Variants in KRT25 observed in about 807,000 individuals in gnomAD.
The protein encoded by KRT25 is keratin, type I cytoskeletal 25.
A neutral mutation model predicts 47.6 loss-of-function variants in KRT25; 37 were observed. The ratio of observed to expected loss-of-function variants is 0.78; its 90% CI spans 0.60 to 1.02. The LOEUF is 1.02. Ranked by LOEUF, KRT25 falls within the 50% of genes least tolerant of loss-of-function variation. KRT25 has a pLI of 0.00. For synonymous variants in KRT25, 203 were observed against 210.2 expected (o/e 0.97, Z 0.30); for missense variants, 542 against 550.3 (o/e 0.98, Z 0.15).
rs1374799048 is a variant in KRT25 at position 40,755,291 on chromosome 17, TGCAGA to T, written c.-25_-21del. ...AGACATGGTATCAGGGCAAACGCGT[TGCAGA>T]GCTGTATTTGTGAAAGCCAGAATGG... On this transcript the variant is annotated 5_prime_UTR_variant, in exon 1 of 8. Transcript: ENST00000312150. 4 of 1,599,076 alleles carry T rather than the reference TGCAGA, an allele frequency of 2.5e-6. No homozygotes were observed. Among genetic ancestry groups the T allele is most frequent in the Non-Finnish European group, 1.7e-6 (2 of 1,172,540 alleles).
In KRT25 at chr17:40,753,935, C is replaced by T. The variant is rs906187464; in HGVS notation, c.594G>A (p.Leu198=). 1.9e-6 allele frequency: 3 copies of T among 1,613,950 alleles called. No individual in the cohort carries two copies. In the South Asian group the frequency reaches 3.3e-5, roughly 18 times the overall value. Residue 198 remains leucine, a synonymous_variant, in exon 3 of 8, where the codon CTG becomes CTA. Coordinates refer to ENST00000312150, the MANE Select transcript of KRT25 (RefSeq NM_181534.4). ...ACTGAATCTCCAGATCTGTTCTGCACAGGGTTATTTCATCCAAAACTCTTC... is the reference window on the plus strand; with the variant it reads ...ACTGAATCTCCAGATCTGTTCTGCATAGGGTTATTTCATCCAAAACTCTTC... ...GLRRVLDEIT[L]CRTDLEIQYE...
At chr17:40,749,959 C>A (rs2038030705) in intron 6 of KRT25, among the ~76,000 whole-genome samples, 1 of 152,132 alleles carries the variant, frequency 6.6e-6, no homozygotes, top group Admixed American at 6.5e-5. Flanking sequence ...AAATGATCTT[C>A]ATTGTGAATT....
chr17:40,748,586 A>G (rs953074796), intron 7 of KRT25, among the ~76,000 whole-genome samples, 200 bp from the exon 8 acceptor site: 1 of 152,230 alleles, frequency 6.6e-6, no homozygotes, highest in African/African-American at 2.4e-5. Flanking sequence ...AATTAGCACA[A>G]ATCACTAATA....
Position 40,750,365 on chromosome 17 carries a change from G to C in KRT25, c.1175+15C>G. The C allele has an allele frequency of 6.2e-7, 1 of 1,612,872 alleles. No homozygotes were observed. Among genetic ancestry groups the C allele is most frequent in the Non-Finnish European group, 8.5e-7 (1 of 1,178,830 alleles). ...TTCAGTATATTACGCCATCTATGCA[G>C]ATTATTTTACCTACCCATCATCTCC... On this transcript the variant is annotated intron_variant, in intron 6 of 7. Transcript: ENST00000312150.
intron 3 of KRT25, among the ~76,000 whole-genome samples, chr17:40,752,975 A>G (rs1263552804): frequency 6.6e-6 from 1 of 152,230 alleles, no homozygotes; most frequent in East Asian, 1.9e-4. Flanking sequence ...AAAATTTGGA[A>G]CTTAGCTTCC....
chr17:40,755,086 A>G lies in KRT25; in HGVS notation c.186T>C (p.Asn62=), dbSNP rs778925151. The G allele has an allele frequency of 5.0e-6, 8 of 1,614,072 alleles. No individual in the cohort carries two copies. The East Asian group carries it at 1.3e-4, about 27-fold the overall frequency. ...SSSGGNTGGG[N]PCAGFTVNER... ...CATTCACAGTGAAGCCAGCACAGGG[A>G]TTACCTCCCCCTGTGTTTCCTCCCG... is the stretch of plus-strand genomic sequence containing the variant. Residue 62 remains asparagine (N), a synonymous_variant, in exon 1 of 8, where the codon AAT becomes AAC. Coordinates refer to ENST00000312150, the MANE Select transcript of KRT25 (RefSeq NM_181534.4).
In KRT25 at chr17:40,754,507, A is replaced by G. The variant is rs775824955; in HGVS notation, c.430-39T>C. 3 of 1,497,732 alleles carry G rather than the reference A, an allele frequency of 2.0e-6. No homozygotes were observed. The South Asian group carries it at 3.4e-5, about 17-fold the overall frequency. 92.8% of individuals were successfully genotyped at this position (1,497,732 alleles called of 1,614,324 possible). A position where few individuals can be genotyped will look rare whatever the true frequency, so the allele number is the denominator to read the frequency against. On this transcript the variant is annotated intron_variant, in intron 1 of 7. Coordinates refer to ENST00000312150, the MANE Select transcript of KRT25 (RefSeq NM_181534.4). ...TTTGACTTTTATCATGAAGTAAACC[A>G]ACTGAATCTACTTAATGCTTATTTC...
At chr17:40,753,810 G>A in intron 3 of KRT25, 50 bp downstream of exon 3, 1 of 1,510,782 alleles carries the variant, frequency 6.6e-7, no homozygotes, top group Non-Finnish European at 9.0e-7. Context: ...CTCCTGTCAG[G>A]TGCACAGTGT....
At chr17:40,753,254 G>A (rs747199378) in intron 3 of KRT25, among the ~76,000 whole-genome samples, 19 of 151,396 alleles carry the variant, frequency 1.3e-4, no homozygotes, top group Non-Finnish European at 2.2e-4. Context: ...TGTCCAAAGC[G>A]GATCATTTTA....
Position 40,754,969 on chromosome 17 carries a change from C to G in KRT25, c.303G>C (p.Glu101Asp). ...TCTGCTCCAGGTCAGCGTTGGCCTC[C>G]TCCAGAGCATGCACACTGTCCAGGT... ...ASYLDSVHAL[E>D]EANADLEQKI... is the part of the protein sequence containing the mutation. Residue 101 changes from glutamate to aspartate, a missense_variant, in exon 1 of 8, where the codon GAG becomes GAC. Physicochemically the swap from Glu to Asp is conservative, Grantham distance 45 (BLOSUM62 2). Transcript: ENST00000312150. 1 of 1,614,178 alleles carries G rather than the reference C, an allele frequency of 6.2e-7. No homozygotes were observed. The highest frequency in any genetic ancestry group is 8.5e-7 in the Non-Finnish European group (1 of 1,180,040).
In KRT25 at chr17:40,748,290, G is replaced by A. The variant is rs868819854; in HGVS notation, c.1340C>T (p.Ser447Phe). 1 of 1,609,110 alleles carries A rather than the reference G, an allele frequency of 6.2e-7. No homozygotes were observed. Among genetic ancestry groups the A allele is most frequent in the East Asian group, 2.2e-5 (1 of 44,728 alleles). ...TTGCATCTCAAATTAATTGCTTTGA[G>A]ATTTCTCTTCCAGGGAGTGGAGCCT... ...TTRLHSLEEK[S>F]QSN The change falls in exon 8 of 8, where the codon TCT (serine) becomes TTT (phenylalanine). Residue 447 changes from serine (S) to phenylalanine (F), a missense_variant. Transcript: ENST00000312150.
At position 40,751,281 on chromosome 17, in the gene KRT25, C is replaced by G. The variant is rs2038044976; in HGVS notation, c.715G>C (p.Glu239Gln). 2 of 1,613,950 alleles carry G rather than the reference C, an allele frequency of 1.2e-6. No individual in the cohort carries two copies. The highest frequency in any genetic ancestry group is 1.7e-6 in the Non-Finnish European group (2 of 1,179,970). ...TCCACCCCGGGGGCTGCGTTCATCT[C>G]CACGTTCACGTTGCCTCCAGCTGCG... ...QCAAGGNVNV[E>Q]MNAAPGVDLT... Residue 239 changes from glutamate to glutamine, a missense_variant, in exon 4 of 8, where the codon GAG (glutamate) becomes CAG (glutamine). By Grantham distance (29) the Glu-to-Gln change is conservative. Transcript: ENST00000312150.
intron 3 of KRT25, among the ~76,000 whole-genome samples, chr17:40,752,443 G>T (rs2038058545): frequency 6.6e-6 from 1 of 152,064 alleles, no homozygotes; most frequent in South Asian, 2.1e-4. Context: ...GGTAACTAAG[G>T]CTTTCATTCC....
In KRT25 at chr17:40,753,937, G is replaced by A. The variant is rs1001910692; in HGVS notation, c.592C>T (p.Leu198=). Reference sequence around the variant, plus strand: ...TGAATCTCCAGATCTGTTCTGCACAGGGTTATTTCATCCAAAACTCTTCGT... The same window carrying A: ...TGAATCTCCAGATCTGTTCTGCACAAGGTTATTTCATCCAAAACTCTTCGT... ...GLRRVLDEIT[L]CRTDLEIQYE... The change falls in exon 3 of 8, where the codon CTG becomes TTG. Residue 198 remains leucine (L), a synonymous_variant. Coordinates refer to ENST00000312150, the MANE Select transcript of KRT25 (RefSeq NM_181534.4). 3.1e-6 allele frequency: 5 copies of A among 1,613,774 alleles called. No homozygotes were observed. Among genetic ancestry groups the A allele is most frequent in the Non-Finnish European group, 4.2e-6 (5 of 1,179,852 alleles).
rs1258050526 is a variant in KRT25 at position 40,749,328 on chromosome 17, G to T, written c.1176-3C>A. On this transcript the variant is annotated splice_polypyrimidine_tract_variant and splice_region_variant and intron_variant, in intron 6 of 7. Coordinates refer to ENST00000312150, the MANE Select transcript of KRT25 (RefSeq NM_181534.4). ...TGTAACCCCCAGACTTACAGGCTCTGTGAAAACATCGCAAAAGAGGGTGAT... is the reference window on the plus strand; with the variant it reads ...TGTAACCCCCAGACTTACAGGCTCTTTGAAAACATCGCAAAAGAGGGTGAT... The T allele has an allele frequency of 3.1e-6, 5 of 1,610,946 alleles. No individual in the cohort carries two copies. The highest frequency in any genetic ancestry group is 4.2e-6 in the Non-Finnish European group (5 of 1,177,404).
chr17:40,754,516 T>G (rs1459265609), intron 1 of KRT25, 48 bp from the exon 2 acceptor site: 1 of 1,447,196 alleles, frequency 6.9e-7, no homozygotes, highest in South Asian at 1.1e-5. Context: ...CAACTGAATC[T>G]ACTTAATGCT....
intron 4 of KRT25, 37 bp from the exon 5 acceptor site, chr17:40,751,116 T>C: frequency 6.2e-7 from 1 of 1,614,112 alleles, no homozygotes; most frequent in East Asian, 2.2e-5. Flanking sequence ...ATCTTAGTTT[T>C]GTGAATACCA....
Position 40,754,006 on chromosome 17 carries a change from C to G in KRT25, c.523G>C (p.Glu175Gln), listed in dbSNP as rs1188079561. ...TCTACACTCTGGTGAAGAGCCAGCT[C>G]ATTTTCATACCTTAAAGAGTGTTAA... is the stretch of plus-strand genomic sequence containing the variant. ...ADDFRLKYEN[E>Q]LALHQSVEAD... The change falls in exon 3 of 8, where the codon GAG becomes CAG. Residue 175 changes from glutamate (E) to glutamine (Q), a missense_variant. Physicochemically the swap from Glu to Gln is conservative, Grantham distance 29. Transcript: ENST00000312150. 6.2e-7 allele frequency: 1 copy of G among 1,614,044 alleles called. No homozygotes were observed. The highest frequency in any genetic ancestry group is 1.7e-5 in the Admixed American group (1 of 60,028).
At position 40,755,210 on chromosome 17, in the gene KRT25, A is replaced by C; in HGVS notation, c.62T>G (p.Leu21Arg). ...RSCPRPTTGS[L>R]RLYGGGTSFG... ...GCTGGTTCCCCCACCATAGAGTCTG[A>C]GTGATCCAGTGGTGGGACGAGGACA... The change falls in exon 1 of 8, where the codon CTC becomes CGC. Residue 21 changes from leucine to arginine, a missense_variant. Coordinates refer to ENST00000312150, the MANE Select transcript of KRT25 (RefSeq NM_181534.4). 1 of 1,614,172 alleles carries C rather than the reference A, an allele frequency of 6.2e-7. No individual in the cohort carries two copies. Among genetic ancestry groups the C allele is most frequent in the South Asian group, 1.1e-5 (1 of 91,086 alleles).
Sources: allele counts gnomAD v4.1 joint callset (sites outside exome capture counted in the v4.1 genomes callset), GRCh38; gene constraint gnomAD v4.1.1; transcripts MANE v1.5; gene names NCBI Gene and HGNC (gene_info 2026-07-23, HGNC 2026-07-21).